The following ALG12 variants were observed in gnomAD, a reference collection of about 807,000 sequenced individuals.
ALG12 encodes dol-P-Man:Man(7)GlcNAc(2)-PP-Dol alpha-1,6-mannosyltransferase.
A neutral mutation model predicts 46.0 loss-of-function variants in ALG12; 36 were observed. That is an observed-to-expected ratio of 0.78 (90% confidence interval 0.60 to 1.03). The LOEUF (loss-of-function observed/expected upper bound fraction) is 1.03. Among genes scored for constraint, ALG12 ranks in the 50% least tolerant of loss-of-function variants. ALG12 has a pLI of 0.00. For missense variants in ALG12, 599 were observed against 633.5 expected (o/e 0.95, Z 0.58); for synonymous variants, 326 against 291.6 (o/e 1.12, Z -1.20).
At chr22:49,868,269 C>T in the ALG12 span, among the ~76,000 whole-genome samples, 1 of 152,172 alleles carries the variant, frequency 6.6e-6, no homozygotes, top group African/African-American at 2.4e-5. Flanking sequence ...AAAATATAGG[C>T]AGTGTTACAA....
intron 1 of ALG12, 109 bp from the exon 2 acceptor site, chr22:49,913,952 CACT>C (rs2060596336): frequency 1.5e-6 from 1 of 688,166 alleles, no homozygotes; most frequent in Non-Finnish European, 2.5e-6. Context: ...GTCTTAGTCG[CACT>C]ACTACAAATC....
At chr22:49,867,035 ATGTAGAGCTTTCAGT>A in the ALG12 span, among the ~76,000 whole-genome samples, 1 of 152,130 alleles carries the variant, frequency 6.6e-6, no homozygotes, top group Non-Finnish European at 1.5e-5. Context: ...TAACACAGGT[ATGTAGAGCTTTCAGT>A]TTCTTGCTAA....
In ALG12 at chr22:49,901,823, CTGTG is replaced by C. The variant is rs1378660096; in HGVS notation, c.*2011_*2014del. ...TATGCATGGTGTGTGCACGTGTGCACTGTGTGTATGCATGGTGTGTGCACGTGTG... is the reference window on the plus strand; with the variant it reads ...TATGCATGGTGTGTGCACGTGTGCACTGTATGCATGGTGTGTGCACGTGTG... On this transcript the variant is annotated 3_prime_UTR_variant, in exon 10 of 10. Coordinates refer to ENST00000330817, the MANE Select transcript of ALG12 (RefSeq NM_024105.4). 1.4e-4 allele frequency: 10 copies of C among 73,372 alleles called. No individual in the cohort carries two copies. Among genetic ancestry groups the C allele is most frequent in the Admixed American group, 3.5e-4 (3 of 8,546 alleles). 4.5% of individuals were successfully genotyped at this position (73,372 alleles called of 1,614,324 possible).
chr22:49,899,700 G>A (rs374107135), downstream of ALG12, among the ~76,000 whole-genome samples: 12 of 152,112 alleles, frequency 7.9e-5, no homozygotes, highest in East Asian at 2.1e-3. Context: ...AAGTACAAAC[G>A]CACTCAGTTA....
In ALG12 at chr22:49,903,007, C is replaced by T; in HGVS notation, c.*831G>A. 2 of 337,732 alleles carry T rather than the reference C, an allele frequency of 5.9e-6. No homozygotes were observed. The highest frequency in any genetic ancestry group is 1.1e-5 in the Non-Finnish European group (2 of 174,262). 20.9% of individuals were successfully genotyped at this position (337,732 alleles called of 1,614,324 possible). A position where few individuals can be genotyped will look rare whatever the true frequency, so the allele number is the denominator to read the frequency against. On this transcript the variant is annotated 3_prime_UTR_variant, in exon 10 of 10. Transcript: ENST00000330817. ...CGTGTGTGGTGTGTGTGCATGTATG[C>T]ATGGTGTGTGCATACGTGTGCAGCA...
the ALG12 span, chr22:49,883,469 G>A: frequency 1.4e-6 from 1 of 699,138 alleles, no homozygotes; most frequent in Non-Finnish European, 2.2e-6. Context: ...GGAAAGCAGT[G>A]ATCTATGCTG....
At chr22:49,867,717 A>G in the ALG12 span, among the ~76,000 whole-genome samples, 3 of 151,832 alleles carry the variant, frequency 2.0e-5, no homozygotes, top group South Asian at 4.1e-4. Flanking sequence ...CAGCTGCCAG[A>G]TCTAATACCA....
chr22:49,912,066 G>C (rs145467040), intron 3 of ALG12, among the ~76,000 whole-genome samples: 2,146 of 76,504 alleles, frequency 0.028, 3 homozygotes, highest in African/African-American at 0.18. Flanking sequence ...CGCGGGATCA[G>C]CCTGGCCCCG....
chr22:49,873,523 A>T, the ALG12 span, among the ~76,000 whole-genome samples: 1 of 152,232 alleles, frequency 6.6e-6, no homozygotes, highest in East Asian at 1.9e-4. Context: ...GATAATGGAA[A>T]AGTGTGAAAT....
intron 5 of ALG12, among the ~76,000 whole-genome samples, chr22:49,909,634 G>A (rs1414243928): frequency 6.6e-6 from 1 of 152,222 alleles, no homozygotes; most frequent in Non-Finnish European, 1.5e-5. Context: ...GCCTGGCGCA[G>A]GGACAAGCCG....
At position 49,902,474 on chromosome 22, in the gene ALG12, G is replaced by A. The variant is rs1383119286; in HGVS notation, c.*1364C>T. On this transcript the variant is annotated 3_prime_UTR_variant, in exon 10 of 10. Coordinates refer to ENST00000330817, the MANE Select transcript of ALG12 (RefSeq NM_024105.4). ...GTGTATGCATGGTGTGTGCACGTGT[G>A]CACTGTGTGGTGTGTATGCATGGTG... is the stretch of plus-strand genomic sequence containing the variant. 6.8e-6 allele frequency: 1 copy of A among 147,074 alleles called. No individual in the cohort carries two copies. Among genetic ancestry groups the A allele is most frequent in the Admixed American group, 6.7e-5 (1 of 14,816 alleles). The allele number at this position is 147,074 out of a possible 1,614,324, so 9.1% of individuals were successfully genotyped here. A position where few individuals can be genotyped will look rare whatever the true frequency, so the allele number is the denominator to read the frequency against.
At chr22:49,870,079 C>T in the ALG12 span, among the ~76,000 whole-genome samples, 2 of 152,114 alleles carry the variant, frequency 1.3e-5, no homozygotes, top group South Asian at 2.1e-4. Flanking sequence ...ATGTGGTATC[C>T]GGTTTTCTGT....
At chr22:49,915,733 T>A (rs953208483) in intron 1 of ALG12, among the ~76,000 whole-genome samples, 1 of 152,142 alleles carries the variant, frequency 6.6e-6, no homozygotes, top group Non-Finnish European at 1.5e-5. Context: ...CTGGATGATT[T>A]TTCCCACCAG....
At chr22:49,911,383 G>A (rs2060575694) in intron 3 of ALG12, among the ~76,000 whole-genome samples, 1 of 152,084 alleles carries the variant, frequency 6.6e-6, no homozygotes, top group African/African-American at 2.4e-5. Flanking sequence ...TACCCCATGT[G>A]CATACCAGGC....
rs2060541395 is a variant in ALG12, at chr22:49,906,269, G to A, written c.992+1452C>T. On this transcript the variant is annotated intron_variant, in intron 7 of 9. Coordinates refer to ENST00000330817, the MANE Select transcript of ALG12 (RefSeq NM_024105.4). This position sits in a 1 kb window ranked among gnomAD's most constrained non-coding sequence, Gnocchi z 4.4. Reference sequence around the variant, plus strand: ...CTGTCACCGAATACAATCCATCCGCGCCGCTCTCCCCGTCTTTCCTACCCT... The same window carrying A: ...CTGTCACCGAATACAATCCATCCGCACCGCTCTCCCCGTCTTTCCTACCCT... Among the ~76,000 whole-genome samples the A allele has an allele frequency of 6.6e-6, 1 of 152,154 alleles. No homozygotes were observed. Among genetic ancestry groups the A allele is most frequent in the South Asian group, 2.1e-4 (1 of 4,826 alleles).
In ALG12 at chr22:49,901,990, ACG is replaced by A. The variant is rs2060511242; in HGVS notation, c.*1846_*1847del. 2.2e-5 allele frequency: 3 copies of A among 136,212 alleles called. No individual in the cohort carries two copies. The highest frequency in any genetic ancestry group is 8.9e-5 in the African/African-American group (3 of 33,636). 8.4% of individuals were successfully genotyped at this position (136,212 alleles called of 1,614,324 possible). On this transcript the variant is annotated 3_prime_UTR_variant, in exon 10 of 10. Transcript: ENST00000330817. ...TGTGGTGTGTATGCATGGTGTGTGC[ACG>A]TGTGCACTGTGTATGCATGGTAATG...
the ALG12 span, chr22:49,889,824 G>A: frequency 1.2e-5 from 2 of 167,066 alleles, no homozygotes; most frequent in African/African-American, 4.8e-5. Context: ...TTGATTCTTA[G>A]CCATTCCCAC....
intron 6 of ALG12, 104 bp downstream of exon 6, chr22:49,909,140 G>T: frequency 8.1e-7 from 1 of 1,231,506 alleles, no homozygotes; most frequent in Non-Finnish European, 1.2e-6. Context: ...CTGCAGCCAC[G>T]CTGCAGAGAA....
At position 49,910,609 on chromosome 22, in the gene ALG12, TAAAC is replaced by T. The variant is rs2060571367; in HGVS notation, c.296-6_296-3del. The stretch of plus-strand genomic sequence containing the variant: ...CGCCGAGTCCAAGCACTCCTCTAAC[TAAAC>T]AAAGACAGTGACAGCACCTGAGCCT... On this transcript the variant is annotated splice_region_variant and splice_polypyrimidine_tract_variant and intron_variant, in intron 3 of 9. Coordinates refer to ENST00000330817, the MANE Select transcript of ALG12 (RefSeq NM_024105.4). The T allele has an allele frequency of 1.2e-6, 2 of 1,614,046 alleles. No homozygotes were observed. Among genetic ancestry groups the T allele is most frequent in the Non-Finnish European group, 1.7e-6 (2 of 1,180,026 alleles).
Sources: gnomAD v4.1 joint callset for allele counts (sites outside exome capture counted in the v4.1 genomes callset) on GRCh38, gnomAD v4.1.1 for gene constraint, Gnocchi (gnomAD v3.1) non-coding constraint, MANE v1.5 for transcripts, NCBI Gene and HGNC (gene_info 2026-07-23, HGNC 2026-07-21) for gene names.